TAFA2: variants seen among roughly 807,000 people sequenced by gnomAD.
The protein encoded by TAFA2 is TAFA chemokine like family member 2, also known as chemokine-like protein TAFA-2.
Under a neutral mutation model 18.8 loss-of-function variants are expected in TAFA2, and 7 were observed. The observed-to-expected ratio is 0.37, with a 90% confidence interval of 0.21 to 0.70. The LOEUF is 0.70. Among genes scored for constraint, TAFA2 ranks in the 30% least tolerant of loss-of-function variants. The pLI, the probability that TAFA2 is intolerant of heterozygous loss-of-function variation, is 0.53. For missense variants in TAFA2, 122 were observed against 158.1 expected, an observed-to-expected ratio of 0.77 and a Z score of 1.23; for synonymous variants, 60 against 54.2, an observed-to-expected ratio of 1.11 and a Z score of -0.47.
chr12:62,141,018 C>A (rs1445226130), intron 1 of TAFA2, among the ~76,000 whole-genome samples: 1 of 152,152 alleles, frequency 6.6e-6, no homozygotes, highest in Non-Finnish European at 1.5e-5. Context: ...ATATGTTGTG[C>A]CTTTAAATCC....
At chr12:61,871,894 C>T (rs1293620696) in intron 1 of TAFA2, among the ~76,000 whole-genome samples, 4 of 152,078 alleles carry the variant, frequency 2.6e-5, no homozygotes, top group African/African-American at 7.2e-5. Flanking sequence ...AGATCGAGAC[C>T]ATCCTGGCTA....
At chr12:61,835,434 A>C (rs1872881408) in intron 2 of TAFA2, among the ~76,000 whole-genome samples, 1 of 152,028 alleles carries the variant, frequency 6.6e-6, no homozygotes, top group Non-Finnish European at 1.5e-5. Flanking sequence ...GAGTATATTA[A>C]CTGATGCTGA....
intron 1 of TAFA2, among the ~76,000 whole-genome samples, chr12:62,254,379 G>A (rs1012143056): frequency 1.3e-5 from 2 of 152,134 alleles, no homozygotes; most frequent in Non-Finnish European, 2.9e-5. Flanking sequence ...AAGTATCGGA[G>A]TAGGGCATAC....
At chr12:61,891,629 C>A (rs1175072736) in intron 1 of TAFA2, among the ~76,000 whole-genome samples, 1 of 151,176 alleles carries the variant, frequency 6.6e-6, no homozygotes, top group African/African-American at 2.4e-5. Flanking sequence ...GCCTGGGCAA[C>A]AAGAGCAAAA....
At chr12:62,227,310 C>T (rs2062791124) in intron 1 of TAFA2, among the ~76,000 whole-genome samples, 1 of 152,144 alleles carries the variant, frequency 6.6e-6, no homozygotes. Flanking sequence ...CTCTGAACTT[C>T]CTGGTCGGAG....
intron 4 of TAFA2, among the ~76,000 whole-genome samples, chr12:61,733,287 T>C (rs1868253241): frequency 6.6e-6 from 1 of 152,052 alleles, no homozygotes; most frequent in South Asian, 2.1e-4. Context: ...TTAGATCCCA[T>C]TTGTCAATTT....
At chr12:61,714,096 G>A (rs566998419) in intron 4 of TAFA2, among the ~76,000 whole-genome samples, 1 of 152,108 alleles carries the variant, frequency 6.6e-6, no homozygotes, top group Non-Finnish European at 1.5e-5. Flanking sequence ...AGTTTTACAG[G>A]ATGGGAGATA....
At chr12:62,050,088 T>C (rs1051304986) in intron 1 of TAFA2, among the ~76,000 whole-genome samples, 3 of 152,162 alleles carry the variant, frequency 2.0e-5, no homozygotes, top group African/African-American at 7.2e-5. Context: ...TTCCTGAAGT[T>C]ATCTATCCCC....
intron 1 of TAFA2, among the ~76,000 whole-genome samples, chr12:62,208,493 C>T (rs1565779675): frequency 6.6e-6 from 1 of 151,902 alleles, no homozygotes; most frequent in Non-Finnish European, 1.5e-5. Flanking sequence ...AAAAAAGGCT[C>T]TTTATAACAT....
In TAFA2 at chr12:62,021,484, TTTCTG is replaced by T; in HGVS notation, c.-1-154063_-1-154059del. ...GTCCACTGCATCATTCTTTTTTTTT[TTTCTG>T]TCTTTGTACAATATTTTATTAAAGA... On this transcript the variant is annotated intron_variant, in intron 1 of 4. Coordinates refer to ENST00000416284, the MANE Select transcript of TAFA2 (RefSeq NM_178539.5). The T allele has an allele frequency of 4.8e-6, 3 of 626,244 alleles. No individual in the cohort carries two copies. The East Asian group carries it at 9.4e-5, about 20-fold the overall frequency. The allele number at this position is 626,244 out of a possible 1,614,324, so 38.8% of individuals were successfully genotyped here. A position where few individuals can be genotyped will look rare whatever the true frequency, so the allele number is the denominator to read the frequency against.
intron 2 of TAFA2, among the ~76,000 whole-genome samples, chr12:61,819,269 G>A (rs148893274): frequency 1.3e-5 from 2 of 152,232 alleles, no homozygotes; most frequent in East Asian, 1.9e-4. Flanking sequence ...ACTTCTAAAT[G>A]TACTATAAAA....
intron 2 of TAFA2, among the ~76,000 whole-genome samples, chr12:61,838,117 G>A (rs1873012900): frequency 6.6e-6 from 1 of 151,982 alleles, no homozygotes; most frequent in South Asian, 2.1e-4. Flanking sequence ...AACAGTCAAT[G>A]TAGGAAGTAG....
intron 1 of TAFA2, among the ~76,000 whole-genome samples, chr12:61,916,009 G>T (rs977701810): frequency 1.6e-4 from 24 of 152,188 alleles, no homozygotes; most frequent in African/African-American, 5.1e-4. Flanking sequence ...ATCCATAAAA[G>T]GTATTTTCAA....
chr12:62,173,880 G>A (rs1017129367), intron 1 of TAFA2, among the ~76,000 whole-genome samples: 2 of 152,228 alleles, frequency 1.3e-5, no homozygotes, highest in African/African-American at 4.8e-5. Context: ...GAGATATCCA[G>A]ATGGAGAGAC....
chr12:61,801,857 T>C (rs1368603629), intron 2 of TAFA2, among the ~76,000 whole-genome samples: 2 of 151,962 alleles, frequency 1.3e-5, no homozygotes, highest in South Asian at 4.1e-4. Flanking sequence ...TGCAAACTAT[T>C]CATCCAACAA....
intron 1 of TAFA2, among the ~76,000 whole-genome samples, chr12:62,033,365 A>G (rs748057181): frequency 6.6e-6 from 1 of 152,206 alleles, no homozygotes; most frequent in Non-Finnish European, 1.5e-5. Flanking sequence ...CCTTCATTCA[A>G]TGCAGACCAC....
At chr12:61,834,240 C>T (rs1008074710) in intron 2 of TAFA2, among the ~76,000 whole-genome samples, 2 of 152,042 alleles carry the variant, frequency 1.3e-5, no homozygotes, top group East Asian at 1.9e-4. Flanking sequence ...CAGTTGTGGA[C>T]ATGCATTCAG....
At chr12:61,744,136 A>G (rs1442595169) in intron 4 of TAFA2, among the ~76,000 whole-genome samples, 1 of 152,132 alleles carries the variant, frequency 6.6e-6, no homozygotes, top group African/African-American at 2.4e-5. Context: ...CAGGTAAGAG[A>G]CAGAAATATT....
chr12:61,926,472 G>A (rs896083097), intron 1 of TAFA2, among the ~76,000 whole-genome samples: 2 of 152,104 alleles, frequency 1.3e-5, no homozygotes, highest in African/African-American at 4.8e-5. Flanking sequence ...ACCAAATCCA[G>A]TAGCACATCA....
Sources: allele counts gnomAD v4.1 joint callset (sites outside exome capture counted in the v4.1 genomes callset), GRCh38; gene constraint gnomAD v4.1.1; transcripts MANE v1.5; gene names NCBI Gene and HGNC (gene_info 2026-07-23, HGNC 2026-07-21).